The following SCAI variants were observed in gnomAD, a reference collection of about 807,000 sequenced individuals.
SCAI encodes protein SCAI.
Under a neutral mutation model 92.2 loss-of-function variants are expected in SCAI, and 24 were observed. The observed-to-expected ratio is 0.26, with a 90% CI of 0.19 to 0.37. The LOEUF (loss-of-function observed/expected upper bound fraction) is 0.37. Ranked by LOEUF, SCAI falls within the 10% of genes least tolerant of loss-of-function variation. The pLI is 1.00. For missense variants in SCAI, 450 were observed against 736.2 expected (o/e 0.61, Z 4.50); for synonymous variants, 261 against 258.6 (o/e 1.01, Z -0.09).
intron 9 of SCAI, among the ~76,000 whole-genome samples, chr9:125,006,752 A>C (rs573589602): frequency 1.0e-3 from 155 of 152,044 alleles, no homozygotes; most frequent in Non-Finnish European, 1.6e-3. Context: ...GGCCTCCCAC[A>C]GTGTGGGGAT....
rs12340092 is a variant in SCAI, at chr9:125,091,882, C to A, written c.99-35875G>T. 6.6e-6 allele frequency among the ~76,000 whole-genome samples: 1 copy of A among 151,936 alleles called. No individual in the cohort carries two copies. The highest frequency in any genetic ancestry group is 1.5e-5 in the Non-Finnish European group (1 of 67,978). ...ATCCCAGCACTGCGGGAGGCCGAGG[C>A]GAGCAGATCACGAGGTCAGGAGATC... is the stretch of plus-strand genomic sequence containing the variant. On this transcript the variant is annotated intron_variant, in intron 2 of 17. Coordinates refer to ENST00000336505, the MANE Select transcript of SCAI (RefSeq NM_001144877.3). The surrounding 1 kb of genome is among the most constrained non-coding windows in gnomAD (Gnocchi z 4.3).
chr9:125,039,067 CT>C (rs1564388930), intron 3 of SCAI, among the ~76,000 whole-genome samples: 1 of 152,166 alleles, frequency 6.6e-6, no homozygotes, highest in African/African-American at 2.4e-5. Flanking sequence ...TTTCTTCCCC[CT>C]CTTACATTCG....
rs759859828 is a variant in SCAI at position 125,028,447 on chromosome 9, G to T, written c.358C>A (p.Arg120Ser). 1 of 1,600,006 alleles carries T rather than the reference G, an allele frequency of 6.2e-7. No individual in the cohort carries two copies. The highest frequency in any genetic ancestry group is 8.5e-7 in the Non-Finnish European group (1 of 1,174,254). ...GAAGCAATTTCTCCTATTTGCCAGC[G>T]CTTCAAGCCATACCGATTATCCAAG... ...QVLDNRYGLK[R>S]WQIGEIASKI... The change falls in exon 5 of 18, where the codon CGC becomes AGC. Residue 120 changes from arginine (R) to serine (S), a missense_variant. Transcript: ENST00000336505.
chr9:125,106,116 AAAAAAAATATATAT>A (rs1834778527), intron 2 of SCAI, among the ~76,000 whole-genome samples: 1 of 37,482 alleles, frequency 2.7e-5, no homozygotes, highest in African/African-American at 7.7e-5. Context: ...AAAAAAAAAA[AAAAAAAATATATAT>A]ATATATATAT....
At chr9:125,138,978 A>G (rs140374927) in intron 2 of SCAI, among the ~76,000 whole-genome samples, 1 of 152,304 alleles carries the variant, frequency 6.6e-6, no homozygotes, top group East Asian at 1.9e-4. Context: ...ATGTAAGTGT[A>G]TGTACAGGCC....
intron 2 of SCAI, among the ~76,000 whole-genome samples, chr9:125,074,804 A>G (rs1834054496): frequency 6.6e-6 from 1 of 151,828 alleles, no homozygotes; most frequent in Non-Finnish European, 1.5e-5. Context: ...CAGGAGTTCG[A>G]GACCAGCCTG....
Position 124,990,157 on chromosome 9 carries a change from A to G in SCAI, c.1326+4777T>C, listed in dbSNP as rs1286623144. 4.6e-5 allele frequency among the ~76,000 whole-genome samples: 7 copies of G among 151,368 alleles called. No individual in the cohort carries two copies. In the South Asian group the frequency reaches 1.5e-3, roughly 32 times the overall value. On this transcript the variant is annotated intron_variant, in intron 14 of 17. Coordinates refer to ENST00000336505, the MANE Select transcript of SCAI (RefSeq NM_001144877.3). ...CCATTGCACTCCAGCCTGGGCAACA[A>G]GAGTGAAACTCTGTCTCAAAAAAGA... is the stretch of plus-strand genomic sequence containing the variant.
At chr9:125,020,415 A>G (rs112848282) in intron 7 of SCAI, among the ~76,000 whole-genome samples, 4,424 of 152,302 alleles carry the variant, frequency 0.029, 229 homozygotes, top group African/African-American at 0.097. Context: ...CCAGCCATCC[A>G]CTGATGGGCT....
At chr9:124,978,983 C>T (rs759136557) in intron 14 of SCAI, among the ~76,000 whole-genome samples, 4 of 151,864 alleles carry the variant, frequency 2.6e-5, no homozygotes, top group Non-Finnish European at 5.9e-5. Context: ...GCCTCAGCCT[C>T]CTGAGTAGCT....
chr9:125,080,067 TCAGTTCCTTGGATCCTTAGTCA>T (rs1365158937), intron 2 of SCAI, among the ~76,000 whole-genome samples: 1 of 152,046 alleles, frequency 6.6e-6, no homozygotes, highest in Non-Finnish European at 1.5e-5. Context: ...AAAACGGCCC[TCAGTTCCTTGGATCCTTAGTCA>T]CTTGTAGCTG....
chr9:125,121,915 G>A (rs1324124148), intron 2 of SCAI, among the ~76,000 whole-genome samples: 1 of 152,126 alleles, frequency 6.6e-6, no homozygotes. Context: ...TATGACAACT[G>A]TGATTTTATC....
intron 2 of SCAI, among the ~76,000 whole-genome samples, chr9:125,140,460 G>A (rs774613240): frequency 1.4e-4 from 22 of 152,040 alleles, no homozygotes; most frequent in Non-Finnish European, 2.2e-4. Context: ...CCCAGGAGGC[G>A]GAGATTGCAG....
intron 2 of SCAI, among the ~76,000 whole-genome samples, chr9:125,075,834 G>C (rs1266486144): frequency 6.6e-6 from 1 of 152,056 alleles, no homozygotes. Flanking sequence ...CAAAGTGCTG[G>C]GATTATAGGC....
At chr9:124,968,111 G>A (rs1831575416) in intron 17 of SCAI, among the ~76,000 whole-genome samples, 1 of 152,156 alleles carries the variant, frequency 6.6e-6, no homozygotes, top group South Asian at 2.1e-4. Context: ...AAAATCTTCT[G>A]TAGAAATTAA....
intron 2 of SCAI, among the ~76,000 whole-genome samples, chr9:125,120,026 C>T (rs1835127104): frequency 6.6e-6 from 1 of 152,186 alleles, no homozygotes; most frequent in African/African-American, 2.4e-5. Context: ...CGTGACACGT[C>T]GTTTGAGCCA....
chr9:124,973,947 G>C (rs971445190), intron 15 of SCAI, among the ~76,000 whole-genome samples: 1 of 152,154 alleles, frequency 6.6e-6, no homozygotes, highest in Admixed American at 6.5e-5. Context: ...CCCCCATCTA[G>C]TTCTCCATGT....
intron 2 of SCAI, among the ~76,000 whole-genome samples, chr9:125,066,699 T>C (rs199773100): frequency 1.3e-5 from 2 of 152,098 alleles, no homozygotes; most frequent in African/African-American, 4.8e-5. Context: ...GTGATCCGCC[T>C]GCCTCGGCCT....
chr9:125,019,850 G>T (rs1832833579), intron 7 of SCAI, among the ~76,000 whole-genome samples: 1 of 152,006 alleles, frequency 6.6e-6, no homozygotes, highest in South Asian at 2.1e-4. Flanking sequence ...GAGGCTGGCG[G>T]ATTGCTTGAA....
chr9:124,999,779 T>A (rs1327015042), intron 13 of SCAI, 112 bp downstream of exon 13: 4 of 622,032 alleles, frequency 6.4e-6, no homozygotes, highest in South Asian at 6.0e-5. Context: ...TAAATCTTAG[T>A]CTAAGGGAAT....
Sources: gnomAD v4.1 joint callset for allele counts (sites outside exome capture counted in the v4.1 genomes callset) on GRCh38, gnomAD v4.1.1 for gene constraint, Gnocchi (gnomAD v3.1) non-coding constraint, MANE v1.5 for transcripts, NCBI Gene and HGNC (gene_info 2026-07-23, HGNC 2026-07-21) for gene names.